KCTD16: variants seen among roughly 807,000 people sequenced by gnomAD.
KCTD16 encodes the protein BTB/POZ domain-containing protein KCTD16.
Under a neutral mutation model 33.2 loss-of-function variants are expected in KCTD16, and 13 were observed. The observed-to-expected ratio is 0.39, with a 90% CI of 0.25 to 0.62. The LOEUF (loss-of-function observed/expected upper bound fraction) is 0.62. KCTD16 is among the 20% of genes least tolerant of loss of function. The pLI is 0.50. For synonymous variants in KCTD16, 197 were observed against 195.3 expected, an observed-to-expected ratio of 1.01 and a Z score of -0.07; for missense variants, 441 against 525.1, an observed-to-expected ratio of 0.84 and a Z score of 1.57.
intron 3 of KCTD16, among the ~76,000 whole-genome samples, chr5:144,213,926 G>T (rs1472080081): frequency 3.3e-5 from 5 of 152,160 alleles, no homozygotes; most frequent in Non-Finnish European, 7.4e-5. Context: ...GTGGTAGCCT[G>T]CTGAGCTTAC....
In KCTD16 at chr5:144,478,729, G is replaced by A. The variant is rs1754644750; in HGVS notation, c.*4615G>A. ...CCAAGAGTTCCTTTACTCCTTAGAA[G>A]CACTTCCTCATTTTCTCTTACTTTC... On this transcript the variant is annotated 3_prime_UTR_variant, in exon 4 of 4. Transcript: ENST00000512467. 3 of 151,952 alleles carry A rather than the reference G, an allele frequency of 2.0e-5. No individual in the cohort carries two copies. Among genetic ancestry groups the A allele is most frequent in the Admixed American group, 2.0e-4 (3 of 15,230 alleles). 9.4% of individuals were successfully genotyped at this position (151,952 alleles called of 1,614,324 possible). A position where few individuals can be genotyped will look rare whatever the true frequency, so the allele number is the denominator to read the frequency against.
chr5:144,270,871 G>A (rs1755273949), intron 3 of KCTD16, among the ~76,000 whole-genome samples: 1 of 151,772 alleles, frequency 6.6e-6, no homozygotes, highest in South Asian at 2.1e-4. Context: ...AAAAAAGATT[G>A]TAAGAGAGTA....
chr5:144,455,048 C>T (rs1392822562), intron 3 of KCTD16, among the ~76,000 whole-genome samples: 1 of 151,916 alleles, frequency 6.6e-6, no homozygotes, highest in Non-Finnish European at 1.5e-5. Context: ...ATAATTGGTA[C>T]AAGCTTTGGT....
At chr5:144,205,243 C>G in intron 2 of KCTD16, 1 of 288,872 alleles carries the variant, frequency 3.5e-6, no homozygotes. Flanking sequence ...ACCGCCGGAG[C>G]GCGGCGTCCC....
intron 2 of KCTD16, among the ~76,000 whole-genome samples, chr5:144,176,152 C>G (rs1052538455): frequency 1.3e-5 from 2 of 152,240 alleles, no homozygotes; most frequent in Admixed American, 1.3e-4. Context: ...GTGAACAGTG[C>G]TTCTCATATT....
chr5:144,342,003 A>G (rs1020792811), intron 3 of KCTD16, among the ~76,000 whole-genome samples: 4 of 152,204 alleles, frequency 2.6e-5, no homozygotes, highest in Non-Finnish European at 5.9e-5. Context: ...TCTCCTGCGA[A>G]TATCTGAAAT....
chr5:144,414,081 T>A (rs1005449459), intron 3 of KCTD16, among the ~76,000 whole-genome samples: 2 of 152,192 alleles, frequency 1.3e-5, no homozygotes, highest in African/African-American at 4.8e-5. Flanking sequence ...GTAAGACTTC[T>A]GGGTGGGTTT....
At chr5:144,399,668 C>T (rs1752659252) in intron 3 of KCTD16, among the ~76,000 whole-genome samples, 1 of 152,166 alleles carries the variant, frequency 6.6e-6, no homozygotes, top group African/African-American at 2.4e-5. Flanking sequence ...CTCATTGATA[C>T]ACCAGATGAA....
chr5:144,308,577 A>G (rs1041818411), intron 3 of KCTD16, among the ~76,000 whole-genome samples: 2 of 152,122 alleles, frequency 1.3e-5, no homozygotes, highest in Non-Finnish European at 2.9e-5. Flanking sequence ...GATGAATCCC[A>G]TCCTATGCTG....
chr5:144,231,556 T>C (rs1278110780), intron 3 of KCTD16, among the ~76,000 whole-genome samples: 1 of 152,218 alleles, frequency 6.6e-6, no homozygotes, highest in Non-Finnish European at 1.5e-5. Context: ...GTAGAATGTA[T>C]CTGATATGGT....
At chr5:144,179,610 G>A (rs1489235496) in intron 2 of KCTD16, among the ~76,000 whole-genome samples, 1 of 152,204 alleles carries the variant, frequency 6.6e-6, no homozygotes, top group African/African-American at 2.4e-5. Context: ...GTAGATAGAA[G>A]ACTATCAGAA....
chr5:144,459,334 T>G (rs1754141624), intron 3 of KCTD16, among the ~76,000 whole-genome samples: 1 of 152,064 alleles, frequency 6.6e-6, no homozygotes, highest in Non-Finnish European at 1.5e-5. Context: ...TTCTTGCTCA[T>G]CTATAATCCA....
chr5:144,421,775 T>C (rs1052340235), intron 3 of KCTD16, among the ~76,000 whole-genome samples: 1 of 152,108 alleles, frequency 6.6e-6, no homozygotes, highest in African/African-American at 2.4e-5. Flanking sequence ...GGAATGTGAA[T>C]AGGCTTGTTC....
Position 144,439,334 on chromosome 5 carries a change from T to C in KCTD16, c.833-34326T>C, listed in dbSNP as rs1753648750. 3 of 502,526 alleles carry C rather than the reference T, an allele frequency of 6.0e-6. 1 individual carries two copies. Among genetic ancestry groups the C allele is most frequent in the African/African-American group, 2.0e-5 (1 of 49,642 alleles). 31.1% of individuals were successfully genotyped at this position (502,526 alleles called of 1,614,324 possible). A position where few individuals can be genotyped will look rare whatever the true frequency, so the allele number is the denominator to read the frequency against. ...CCCACTTGAATTGAATGGAGGAATC[T>C]TGGAGTTCAGCAGAGTATGAATCTG... is the stretch of plus-strand genomic sequence containing the variant. On this transcript the variant is annotated intron_variant, in intron 3 of 3. Coordinates refer to ENST00000512467, the MANE Select transcript of KCTD16 (RefSeq NM_020768.4).
intron 3 of KCTD16, among the ~76,000 whole-genome samples, chr5:144,248,196 G>T (rs550456966): frequency 6.6e-6 from 1 of 152,324 alleles, no homozygotes; most frequent in Non-Finnish European, 1.5e-5. Flanking sequence ...AGAGTAGGGG[G>T]CAGTAGTGCC....
At chr5:144,177,689 T>C (rs1752536349) in intron 2 of KCTD16, among the ~76,000 whole-genome samples, 2 of 152,208 alleles carry the variant, frequency 1.3e-5, no homozygotes, top group South Asian at 4.1e-4. Context: ...CGAGTCATGT[T>C]GGTTTAGCAC....
At chr5:144,176,387 CTTTTTTTTT>C (rs368578231) in intron 2 of KCTD16, among the ~76,000 whole-genome samples, 2 of 106,660 alleles carry the variant, frequency 1.9e-5, no homozygotes, top group Non-Finnish European at 2.0e-5. Context: ...TATAGTGTTT[CTTTTTTTTT>C]TTTTTTTTTT....
intron 3 of KCTD16, among the ~76,000 whole-genome samples, chr5:144,321,835 G>T (rs750121231): frequency 3.3e-5 from 5 of 152,052 alleles, no homozygotes; most frequent in Non-Finnish European, 5.9e-5. Flanking sequence ...GAGGCAAAAA[G>T]AATAATACAT....
At chr5:144,290,039 G>T (rs1330551626) in intron 3 of KCTD16, among the ~76,000 whole-genome samples, 1 of 152,158 alleles carries the variant, frequency 6.6e-6, no homozygotes, top group Non-Finnish European at 1.5e-5. Flanking sequence ...ATAGCACTTT[G>T]GGAGGCCAAG....
Sources: gnomAD v4.1 joint callset for allele counts (sites outside exome capture counted in the v4.1 genomes callset) on GRCh38, gnomAD v4.1.1 for gene constraint, MANE v1.5 for transcripts, NCBI Gene and HGNC (gene_info 2026-07-23, HGNC 2026-07-21) for gene names.